TENM3: variants seen among roughly 807,000 people sequenced by gnomAD.
The protein encoded by TENM3 is teneurin transmembrane protein 3, also known as teneurin-3.
Under a neutral mutation model 255.1 loss-of-function variants are expected in TENM3, and 63 were observed. That is an observed-to-expected ratio of 0.25 (90% confidence interval 0.20 to 0.30). TENM3 has a LOEUF of 0.30. Ranked by LOEUF, TENM3 falls within the 10% of genes least tolerant of loss-of-function variation. The pLI is 1.00. For synonymous variants in TENM3, 1,306 were observed against 1,322.3 expected (o/e 0.99, Z 0.27); for missense variants, 2,929 against 3,461.1 (o/e 0.85, Z 3.86).
At chr4:182,760,565 A>ACTT (rs141956293) in intron 22 of TENM3, among the ~76,000 whole-genome samples, 23,689 of 152,054 alleles carry the variant, frequency 0.16, 1,961 homozygotes, top group South Asian at 0.21. Context: ...AAATCTTGGG[A>ACTT]CTTTGAATAT....
rs192858958 is a variant in TENM3 at position 182,797,676 on chromosome 4, G to C, written c.7344+909G>C. On this transcript the variant is annotated intron_variant, in intron 27 of 27. Transcript: ENST00000511685. ...TCTAATCCCCACCAGAGACCAGAAA[G>C]GAATGCACAGCAAAACACCAGAATT... is the stretch of plus-strand genomic sequence containing the variant. Among the ~76,000 whole-genome samples, 289 of 152,192 alleles carry C rather than the reference G, an allele frequency of 1.9e-3. 1 individual carries two copies. Among genetic ancestry groups the C allele is most frequent in the African/African-American group, 6.4e-3 (266 of 41,534 alleles).
At chr4:181,911,282 C>T in the TENM3 span, among the ~76,000 whole-genome samples, 1 of 152,112 alleles carries the variant, frequency 6.6e-6, no homozygotes, top group Non-Finnish European at 1.5e-5. Context: ...GAAAATTGGG[C>T]GTCTTCAATA....
chr4:181,914,871 C>T, the TENM3 span, among the ~76,000 whole-genome samples: 1 of 152,080 alleles, frequency 6.6e-6, no homozygotes, highest in Admixed American at 6.5e-5. Flanking sequence ...GTCATTGAGC[C>T]CCTTTTATGC....
At chr4:181,512,204 C>T in the TENM3 span, among the ~76,000 whole-genome samples, 1 of 152,296 alleles carries the variant, frequency 6.6e-6, no homozygotes, top group African/African-American at 2.4e-5. Flanking sequence ...CCCCAGTCTA[C>T]ACTCTCCTCA....
chr4:182,436,637 G>C (rs1772070496), intron 3 of TENM3, among the ~76,000 whole-genome samples: 1 of 152,192 alleles, frequency 6.6e-6, no homozygotes, highest in Admixed American at 6.6e-5. Flanking sequence ...GCTGTGGTTA[G>C]ATCCTTGCCA....
the TENM3 span, among the ~76,000 whole-genome samples, chr4:181,859,242 CAAAAA>C: frequency 2.4e-5 from 2 of 84,140 alleles, no homozygotes; most frequent in African/African-American, 9.4e-5. Context: ...GACTCGGTCT[CAAAAA>C]AAAAAAAAAA....
the TENM3 span, among the ~76,000 whole-genome samples, chr4:181,871,111 TG>T: frequency 2.0e-5 from 3 of 152,084 alleles, no homozygotes; most frequent in Admixed American, 2.0e-4. Flanking sequence ...TCTATTTTAT[TG>T]ATCTATTCTA....
chr4:182,027,631 T>A, the TENM3 span, among the ~76,000 whole-genome samples: 1 of 151,892 alleles, frequency 6.6e-6, no homozygotes. Flanking sequence ...GCTTTTATTA[T>A]GCATGTTCCT....
the TENM3 span, chr4:181,522,590 T>C: frequency 2.3e-6 from 1 of 439,256 alleles, no homozygotes; most frequent in Non-Finnish European, 4.3e-6. Flanking sequence ...TTTGGAGAAA[T>C]AGATAGACAA....
the TENM3 span, among the ~76,000 whole-genome samples, chr4:181,670,900 G>T: frequency 6.6e-6 from 1 of 152,150 alleles, no homozygotes; most frequent in Non-Finnish European, 1.5e-5. Context: ...AGCCAGCATT[G>T]CACAGGTTCG....
intron 3 of TENM3, among the ~76,000 whole-genome samples, chr4:182,521,838 C>G (rs1738608617): frequency 6.6e-6 from 1 of 151,846 alleles, no homozygotes. Context: ...AGTTTTTTTC[C>G]TTGTTTTTCC....
intron 4 of TENM3, among the ~76,000 whole-genome samples, chr4:182,618,677 A>G (rs184230658): frequency 6.6e-6 from 1 of 152,138 alleles, no homozygotes; most frequent in Non-Finnish European, 1.5e-5. Context: ...GGCCTAAGAT[A>G]GGAGACAGAA....
At chr4:182,758,168 TAAA>T (rs1243324162) in intron 22 of TENM3, among the ~76,000 whole-genome samples, 2 of 152,192 alleles carry the variant, frequency 1.3e-5, no homozygotes, top group African/African-American at 4.8e-5. Flanking sequence ...AATAATGTGT[TAAA>T]GAAGAGCACT....
chr4:181,771,623 C>A, the TENM3 span, among the ~76,000 whole-genome samples: 4 of 152,216 alleles, frequency 2.6e-5, no homozygotes, highest in Non-Finnish European at 4.4e-5. Context: ...TGATTAGGAA[C>A]CAACTCGTCT....
the TENM3 span, among the ~76,000 whole-genome samples, chr4:181,794,525 G>C: frequency 1.3e-5 from 2 of 152,024 alleles, no homozygotes; most frequent in African/African-American, 2.4e-5. Context: ...CCACATACAA[G>C]TGAGATCCTG....
intron 3 of TENM3, among the ~76,000 whole-genome samples, chr4:182,516,485 A>G (rs926718529): frequency 6.6e-6 from 1 of 152,196 alleles, no homozygotes; most frequent in Non-Finnish European, 1.5e-5. Context: ...TCCCTACCTC[A>G]CGGCCAAACA....
intron 3 of TENM3, among the ~76,000 whole-genome samples, chr4:182,498,045 A>G (rs1467507814): frequency 6.6e-6 from 1 of 152,100 alleles, no homozygotes; most frequent in African/African-American, 2.4e-5. Context: ...GATTTGGGGC[A>G]TCAGTGCATA....
Position 182,628,779 on chromosome 4 carries a change from G to C in TENM3, c.878G>C (p.Arg293Thr). ...TRPLPRNTLS[R>T]SAFKFKKSSK... Reference sequence around the variant, plus strand: ...CCACTACCTAGAAACACCCTATCAAGAAGTGCTTTTAAATTCAAGAAGTCT... The same window carrying C: ...CCACTACCTAGAAACACCCTATCAACAAGTGCTTTTAAATTCAAGAAGTCT... Residue 293 changes from arginine (R) to threonine (T), a missense_variant, in exon 5 of 28, where the codon AGA becomes ACA. Physicochemically the swap from Arg to Thr is moderately conservative, Grantham distance 71. Transcript: ENST00000511685. 1.2e-6 allele frequency: 2 copies of C among 1,610,534 alleles called. No individual in the cohort carries two copies. The highest frequency in any genetic ancestry group is 1.7e-6 in the Non-Finnish European group (2 of 1,178,468).
chr4:182,763,361 C>T (rs375189173), intron 22 of TENM3, among the ~76,000 whole-genome samples: 3 of 152,036 alleles, frequency 2.0e-5, no homozygotes, highest in Non-Finnish European at 4.4e-5. Context: ...GTCAGGAGAT[C>T]GAGACCATCC....
Sources: gnomAD v4.1 joint callset for allele counts (sites outside exome capture counted in the v4.1 genomes callset) on GRCh38, gnomAD v4.1.1 for gene constraint, MANE v1.5 for transcripts, NCBI Gene and HGNC (gene_info 2026-07-23, HGNC 2026-07-21) for gene names.